PTPN14: variants seen among roughly 807,000 people sequenced by gnomAD.
The protein encoded by PTPN14 is tyrosine-protein phosphatase non-receptor type 14.
PTPN14 carries 53 observed loss-of-function variants against 126.8 expected under a neutral mutation model. That is an observed-to-expected ratio of 0.42 (90% CI 0.34 to 0.53). PTPN14 has a LOEUF of 0.53. Among genes scored for constraint, PTPN14 ranks in the 20% least tolerant of loss-of-function variants. The probability of loss-of-function intolerance (pLI) is 0.08; values close to 1 mark genes in which losing one functional copy is unlikely to be tolerated. For missense variants in PTPN14, 1,257 were observed against 1,552.9 expected, an observed-to-expected ratio of 0.81 and a Z score of 3.20; for synonymous variants, 630 against 599.3, an observed-to-expected ratio of 1.05 and a Z score of -0.75.
At chr1:214,402,468 G>A (rs1391800443) in intron 6 of PTPN14, among the ~76,000 whole-genome samples, 2 of 130,100 alleles carry the variant, frequency 1.5e-5, no homozygotes, top group Non-Finnish European at 3.2e-5. Context: ...AAGCCACGAT[G>A]AGAGAACTTA....
chr1:214,548,968 G>A (rs1656038349), intron 1 of PTPN14, among the ~76,000 whole-genome samples: 1 of 152,146 alleles, frequency 6.6e-6, no homozygotes, highest in Non-Finnish European at 1.5e-5. Flanking sequence ...AAATGTCTGG[G>A]ATTAGTGGGA....
chr1:214,489,972 C>T (rs1016018075), intron 1 of PTPN14, among the ~76,000 whole-genome samples: 3 of 152,212 alleles, frequency 2.0e-5, no homozygotes, highest in African/African-American at 7.2e-5. Context: ...GATTTTGCAG[C>T]TTAGCTCGGT....
At chr1:214,437,669 C>T (rs1481477537) in intron 3 of PTPN14, among the ~76,000 whole-genome samples, 1 of 152,092 alleles carries the variant, frequency 6.6e-6, no homozygotes, top group Non-Finnish European at 1.5e-5. Context: ...TTCTAGGATC[C>T]CCAGGAAGAC....
At chr1:214,544,814 A>G (rs879389111) in intron 1 of PTPN14, among the ~76,000 whole-genome samples, 36 of 151,588 alleles carry the variant, frequency 2.4e-4, no homozygotes, top group Admixed American at 8.5e-4. Flanking sequence ...AGAGGAGGGA[A>G]GAGGAGGTAA....
intron 13 of PTPN14, among the ~76,000 whole-genome samples, chr1:214,378,855 G>C (rs1658407152): frequency 6.6e-6 from 1 of 151,020 alleles, no homozygotes; most frequent in Admixed American, 6.6e-5. Context: ...ACTGAGCTAT[G>C]GGGGAACATG....
At chr1:214,371,783 A>G (rs1658224287) in intron 16 of PTPN14, among the ~76,000 whole-genome samples, 1 of 152,188 alleles carries the variant, frequency 6.6e-6, no homozygotes, top group African/African-American at 2.4e-5. Context: ...AACTGGCTTT[A>G]AAGAGCCTGA....
At chr1:214,422,239 G>A (rs1288888241) in intron 3 of PTPN14, among the ~76,000 whole-genome samples, 4 of 152,194 alleles carry the variant, frequency 2.6e-5, no homozygotes, top group Non-Finnish European at 5.9e-5. Context: ...TACTCATTCA[G>A]TGTGAAATGT....
chr1:214,404,596 G>A (rs777761960), intron 5 of PTPN14, among the ~76,000 whole-genome samples: 1 of 152,098 alleles, frequency 6.6e-6, no homozygotes, highest in African/African-American at 2.4e-5. Context: ...TTAAAAAGAA[G>A]CCCAAAGGTA....
chr1:214,460,860 T>C (rs1290806053), intron 2 of PTPN14, among the ~76,000 whole-genome samples: 2 of 152,286 alleles, frequency 1.3e-5, no homozygotes, highest in East Asian at 3.9e-4. Context: ...CCTGGATCCT[T>C]CTGAAAGCCA....
intron 3 of PTPN14, among the ~76,000 whole-genome samples, chr1:214,424,567 G>A (rs918904545): frequency 1.2e-4 from 18 of 149,702 alleles, no homozygotes; most frequent in African/African-American, 4.2e-4. Flanking sequence ...TTGCTCTGTT[G>A]CCCAGGCTGG....
Position 214,479,421 on chromosome 1 carries a change from C to A in PTPN14, c.-154-14464G>T, listed in dbSNP as rs975309433. Among the ~76,000 whole-genome samples, 6 of 150,382 alleles carry A rather than the reference C, an allele frequency of 4.0e-5. No homozygotes were observed. The East Asian group carries it at 6.0e-4, about 15-fold the overall frequency. ...ATGGCGTGATCTTGGCTCACTGCAA[C>A]CTCTGCCTCCCAGGTTCAAACGATT... On this transcript the variant is annotated intron_variant, in intron 1 of 18. Coordinates refer to ENST00000366956, the MANE Select transcript of PTPN14 (RefSeq NM_005401.5).
intron 3 of PTPN14, among the ~76,000 whole-genome samples, chr1:214,440,129 A>G (rs996742244): frequency 6.6e-6 from 1 of 152,210 alleles, no homozygotes; most frequent in African/African-American, 2.4e-5. Context: ...ACCTAAAACC[A>G]TTCCAGAACC....
chr1:214,463,082 C>A (rs1302617088), intron 2 of PTPN14, among the ~76,000 whole-genome samples: 1 of 152,094 alleles, frequency 6.6e-6, no homozygotes, highest in Non-Finnish European at 1.5e-5. Flanking sequence ...TAAGCTGAAC[C>A]CAAGACCAAG....
rs139890006 is a variant in PTPN14, at chr1:214,477,013, T to C, written c.-154-12056A>G. Among the ~76,000 whole-genome samples the C allele has an allele frequency of 3.4e-3, 516 of 152,324 alleles. 2 individuals are homozygous for C. Among genetic ancestry groups the C allele is most frequent in the African/African-American group, 0.012 (503 of 41,564 alleles). On this transcript the variant is annotated intron_variant, in intron 1 of 18. Coordinates refer to ENST00000366956, the MANE Select transcript of PTPN14 (RefSeq NM_005401.5). The stretch of plus-strand genomic sequence containing the variant: ...GTTACAGAGCAGAGAATTTTTAAAG[T>C]TAAGGCTGTTCATCACTAAGAGAAA...
intron 3 of PTPN14, among the ~76,000 whole-genome samples, chr1:214,427,019 G>A (rs939854479): frequency 6.6e-6 from 1 of 152,092 alleles, no homozygotes; most frequent in Non-Finnish European, 1.5e-5. Context: ...GGTGGCTCAC[G>A]CCTGTAATCC....
intron 1 of PTPN14, among the ~76,000 whole-genome samples, chr1:214,500,118 T>C (rs1468000238): frequency 1.3e-5 from 2 of 151,996 alleles, no homozygotes; most frequent in African/African-American, 4.8e-5. Context: ...TTTTGCTTTA[T>C]ATTTTATTCT....
intron 3 of PTPN14, among the ~76,000 whole-genome samples, chr1:214,432,938 C>T (rs1659827241): frequency 6.6e-6 from 1 of 152,152 alleles, no homozygotes; most frequent in Non-Finnish European, 1.5e-5. Context: ...ACAGTCTCAT[C>T]TGTCGCCCAG....
At chr1:214,547,604 C>G (rs1656003611) in intron 1 of PTPN14, among the ~76,000 whole-genome samples, 1 of 152,180 alleles carries the variant, frequency 6.6e-6, no homozygotes, top group South Asian at 2.1e-4. Flanking sequence ...AAAGGGAAAT[C>G]AAGGCTGCAA....
chr1:214,508,737 TA>T (rs764568976), intron 1 of PTPN14, among the ~76,000 whole-genome samples: 14 of 152,190 alleles, frequency 9.2e-5, no homozygotes, highest in Non-Finnish European at 8.8e-5. Context: ...GCTATAGCCT[TA>T]AAAAATGTAG....
Sources: gnomAD v4.1 joint callset for allele counts (sites outside exome capture counted in the v4.1 genomes callset) on GRCh38, gnomAD v4.1.1 for gene constraint, MANE v1.5 for transcripts, NCBI Gene and HGNC (gene_info 2026-07-23, HGNC 2026-07-21) for gene names.